MAML3: variants seen among roughly 807,000 people sequenced by gnomAD.
MAML3 encodes the protein mastermind like transcriptional coactivator 3.
Under a neutral mutation model 101.9 loss-of-function variants are expected in MAML3, and 27 were observed. The observed-to-expected ratio is 0.27, with a 90% confidence interval of 0.20 to 0.37. The LOEUF (loss-of-function observed/expected upper bound fraction) is 0.37. MAML3 is among the 10% of genes least tolerant of loss of function. The probability of loss-of-function intolerance (pLI) is 1.00; values close to 1 mark genes in which losing one functional copy is unlikely to be tolerated. For synonymous variants in MAML3, 501 were observed against 555.9 expected, an observed-to-expected ratio of 0.90 and a Z score of 1.39; for missense variants, 1,316 against 1,444.9, an observed-to-expected ratio of 0.91 and a Z score of 1.45.
intron 2 of MAML3, among the ~76,000 whole-genome samples, chr4:139,742,043 C>T (rs1053096773): frequency 2.0e-5 from 3 of 152,108 alleles, no homozygotes; most frequent in Admixed American, 6.5e-5. Flanking sequence ...AGGTCTAACA[C>T]AGCCCTTGAC....
chr4:139,814,025 A>AACACACACACACACACACACACACACAC (rs70943442), intron 2 of MAML3, among the ~76,000 whole-genome samples: 1 of 145,032 alleles, frequency 6.9e-6, no homozygotes, highest in Admixed American at 7.0e-5. Flanking sequence ...CACAAACACA[A>AACACACACACACACACACACACACACAC]ACACACACAC....
chr4:139,861,477 A>ATGTGTGTGTGTGTG lies in MAML3; in HGVS notation c.2079+27866_2079+27879dup, dbSNP rs55851938. Among the ~76,000 whole-genome samples the ATGTGTGTGTGTGTG allele has an allele frequency of 8.6e-3, 1,261 of 146,476 alleles. 14 individuals are homozygous for ATGTGTGTGTGTGTG. The highest frequency in any genetic ancestry group is 0.022 in the African/African-American group (849 of 39,210). On this transcript the variant is annotated intron_variant, in intron 2 of 4. Coordinates refer to ENST00000509479, the MANE Select transcript of MAML3 (RefSeq NM_018717.5). ...AGATGTATGAATGTCTAACCAGCCG[A>ATGTGTGTGTGTGTG]TGTGTGTGTGTGTGTGTGTGTGTGT...
intron 2 of MAML3, among the ~76,000 whole-genome samples, chr4:139,813,273 A>T (rs1578613305): frequency 1.3e-5 from 2 of 152,332 alleles, no homozygotes; most frequent in East Asian, 3.9e-4. Context: ...AAAATTATCA[A>T]TGAAATCATA....
intron 1 of MAML3, among the ~76,000 whole-genome samples, chr4:140,123,118 C>A (rs2111028558): frequency 7.2e-6 from 1 of 138,656 alleles, no homozygotes; most frequent in East Asian, 2.3e-4. Context: ...TGCTCTGTAG[C>A]TTTTTAAAGA....
chr4:139,747,460 G>A (rs573343766), intron 2 of MAML3, among the ~76,000 whole-genome samples: 12 of 152,106 alleles, frequency 7.9e-5, no homozygotes, highest in Admixed American at 4.6e-4. Context: ...TTGGGAGGCC[G>A]AGGCAGGTGG....
At chr4:140,067,014 G>A (rs932128314) in intron 1 of MAML3, among the ~76,000 whole-genome samples, 3 of 152,156 alleles carry the variant, frequency 2.0e-5, no homozygotes, top group African/African-American at 7.2e-5. Flanking sequence ...ACTTCTACGA[G>A]CAACCGCAAC....
intron 2 of MAML3, among the ~76,000 whole-genome samples, chr4:139,781,505 TTTC>T (rs1730211760): frequency 9.3e-6 from 1 of 107,104 alleles, no homozygotes; most frequent in Non-Finnish European, 1.9e-5. Context: ...CGCAGAGCAT[TTTC>T]ATATATATAT....
At chr4:139,923,246 C>A (rs1009407344) in intron 1 of MAML3, among the ~76,000 whole-genome samples, 2 of 152,148 alleles carry the variant, frequency 1.3e-5, no homozygotes, top group Admixed American at 1.3e-4. Context: ...CTCCACCAAG[C>A]AAACAGCAAG....
intron 1 of MAML3, among the ~76,000 whole-genome samples, chr4:139,910,900 A>C (rs1174542373): frequency 6.6e-6 from 1 of 152,216 alleles, no homozygotes; most frequent in East Asian, 1.9e-4. Flanking sequence ...TAGTAAAAGA[A>C]AATTTACCAT....
chr4:140,088,992 C>T (rs1728002419), intron 1 of MAML3, among the ~76,000 whole-genome samples: 1 of 152,040 alleles, frequency 6.6e-6, no homozygotes, highest in Non-Finnish European at 1.5e-5. Context: ...GAATAAGCCA[C>T]CTAGAAACAT....
At chr4:139,932,812 C>T (rs1733427696) in intron 1 of MAML3, among the ~76,000 whole-genome samples, 2 of 152,158 alleles carry the variant, frequency 1.3e-5, no homozygotes, top group South Asian at 2.1e-4. Context: ...GGTGATCTCT[C>T]GTATCTCCAT....
intron 1 of MAML3, among the ~76,000 whole-genome samples, chr4:140,106,115 GAAAAAA>G (rs59770042): frequency 2.2e-4 from 20 of 90,074 alleles, no homozygotes; most frequent in African/African-American, 8.2e-4. Context: ...CTGACTTCAA[GAAAAAA>G]AAAAAAAAAA....
intron 1 of MAML3, among the ~76,000 whole-genome samples, chr4:140,091,243 C>G (rs1190519551): frequency 2.0e-5 from 3 of 152,144 alleles, no homozygotes; most frequent in Admixed American, 1.3e-4. Flanking sequence ...TTCCATTCTC[C>G]TTGCTCGCAG....
chr4:139,885,932 C>CAAAAAAAATA (rs1732325998), intron 2 of MAML3, among the ~76,000 whole-genome samples: 1 of 20,312 alleles, frequency 4.9e-5, no homozygotes, highest in Non-Finnish European at 9.6e-5. Flanking sequence ...GACTCCGTCT[C>CAAAAAAAATA]AAAAAAAAAA....
At chr4:139,798,040 GAAAGAAAGAA>G (rs1560797509) in intron 2 of MAML3, among the ~76,000 whole-genome samples, 45 of 20,276 alleles carry the variant, frequency 2.2e-3, no homozygotes, top group Admixed American at 8.6e-3. Context: ...GAGAGAGAAA[GAAAGAAAGAA>G]AGAAAGAAAG....
At chr4:140,108,915 C>T (rs187693889) in intron 1 of MAML3, among the ~76,000 whole-genome samples, 10 of 152,240 alleles carry the variant, frequency 6.6e-5, no homozygotes, top group Non-Finnish European at 1.3e-4. Context: ...CACTGCCCAG[C>T]CCAGGATTAC....
intron 2 of MAML3, among the ~76,000 whole-genome samples, chr4:139,755,887 T>C (rs1729638976): frequency 6.6e-6 from 1 of 152,244 alleles, no homozygotes; most frequent in Non-Finnish European, 1.5e-5. Flanking sequence ...TTCTAATTCA[T>C]TTAATGAACA....
chr4:139,731,435 T>TAAAAA (rs70943437), intron 2 of MAML3: 3,463 of 38,592 alleles, frequency 0.09, 538 homozygotes, highest in East Asian at 0.14. Context: ...CTGTCTCTAC[T>TAAAAA]AAAAAAAAAA....
chr4:139,958,957 C>A (rs1733960560), intron 1 of MAML3, among the ~76,000 whole-genome samples: 1 of 152,100 alleles, frequency 6.6e-6, no homozygotes, highest in African/African-American at 2.4e-5. Context: ...TTTCTTGCTA[C>A]CAGTGGCATA....
Sources: gnomAD v4.1 joint callset for allele counts (sites outside exome capture counted in the v4.1 genomes callset) on GRCh38, gnomAD v4.1.1 for gene constraint, MANE v1.5 for transcripts, NCBI Gene and HGNC (gene_info 2026-07-23, HGNC 2026-07-21) for gene names.